Variants in CCDC178 observed in about 807,000 individuals in gnomAD.
The protein encoded by CCDC178 is coiled-coil domain-containing protein 178.
In CCDC178, 126 loss-of-function variants were observed where a neutral mutation model predicts 117.4. That is an observed-to-expected ratio of 1.07 (90% confidence interval 0.93 to 1.24). The LOEUF (loss-of-function observed/expected upper bound fraction) is 1.24. CCDC178 is among the 50% of genes most tolerant of loss of function. CCDC178 has a pLI of 0.00. For synonymous variants in CCDC178, 283 were observed against 313.4 expected, an observed-to-expected ratio of 0.90 and a Z score of 1.02; for missense variants, 1,030 against 986.9, an observed-to-expected ratio of 1.04 and a Z score of -0.59.
At chr18:33,227,801 A>C (rs1395668161) in intron 15 of CCDC178, among the ~76,000 whole-genome samples, 1 of 152,056 alleles carries the variant, frequency 6.6e-6, no homozygotes, top group African/African-American at 2.4e-5. Flanking sequence ...ATTCCAAAGA[A>C]GGAAACATGA....
At chr18:33,207,430 G>A (rs971590157) in intron 20 of CCDC178, among the ~76,000 whole-genome samples, 7 of 151,412 alleles carry the variant, frequency 4.6e-5, no homozygotes, top group African/African-American at 1.7e-4. Flanking sequence ...TTGATCAAGA[G>A]AAAAATCTAC....
intron 22 of CCDC178, among the ~76,000 whole-genome samples, chr18:32,971,796 C>T (rs1450713457): frequency 6.6e-6 from 1 of 151,950 alleles, no homozygotes; most frequent in Non-Finnish European, 1.5e-5. Flanking sequence ...TTTTTTAATA[C>T]GTTTGTTAAC....
chr18:32,957,508 T>C (rs2054618934), intron 22 of CCDC178, among the ~76,000 whole-genome samples: 1 of 152,108 alleles, frequency 6.6e-6, no homozygotes, highest in Non-Finnish European at 1.5e-5. Context: ...GGGCAAACGA[T>C]GAGAAATTTG....
chr18:33,059,438 T>G (rs2144955739), intron 21 of CCDC178, among the ~76,000 whole-genome samples: 4 of 152,254 alleles, frequency 2.6e-5, no homozygotes, highest in Middle Eastern at 6.8e-3. Flanking sequence ...CTAAACTATA[T>G]GACCTATCCT....
At chr18:33,306,472 G>A (rs2062252570) in intron 11 of CCDC178, among the ~76,000 whole-genome samples, 1 of 90,138 alleles carries the variant, frequency 1.1e-5, no homozygotes, top group Non-Finnish European at 2.4e-5. Context: ...ATATATATAT[G>A]GTTATATATA....
At chr18:32,940,575 C>A (rs745336351) in intron 22 of CCDC178, among the ~76,000 whole-genome samples, 11 of 151,558 alleles carry the variant, frequency 7.3e-5, no homozygotes, top group African/African-American at 2.7e-4. Context: ...TTTTGTAACT[C>A]GTTTTCTCCC....
chr18:33,359,728 T>C (rs1207722126), intron 6 of CCDC178, among the ~76,000 whole-genome samples: 1 of 151,566 alleles, frequency 6.6e-6, no homozygotes. Context: ...TCCATACAAT[T>C]CTCATTTCTG....
chr18:33,042,839 A>T (rs1006918215), intron 21 of CCDC178, among the ~76,000 whole-genome samples: 2 of 151,960 alleles, frequency 1.3e-5, no homozygotes, highest in Non-Finnish European at 2.9e-5. Context: ...TTTGAGTATT[A>T]AAAAGTGAGA....
At chr18:33,066,199 C>T (rs2057013540) in intron 21 of CCDC178, among the ~76,000 whole-genome samples, 2 of 152,088 alleles carry the variant, frequency 1.3e-5, no homozygotes, top group South Asian at 2.1e-4. Flanking sequence ...AAAATCTTTC[C>T]CAGACAAGCA....
chr18:32,962,872 A>T (rs539031826), intron 22 of CCDC178, among the ~76,000 whole-genome samples: 88 of 152,208 alleles, frequency 5.8e-4, no homozygotes, highest in African/African-American at 2.0e-3. Flanking sequence ...TATACAAAAA[A>T]TACCTAAGAA....
intron 20 of CCDC178, among the ~76,000 whole-genome samples, chr18:33,111,054 G>T (rs1050153839): frequency 2.6e-5 from 4 of 151,412 alleles, no homozygotes; most frequent in Non-Finnish European, 4.4e-5. Context: ...GAAATTATTT[G>T]ATTTTTCTCA....
intron 12 of CCDC178, among the ~76,000 whole-genome samples, chr18:33,269,844 A>G (rs1044396573): frequency 6.6e-6 from 1 of 151,840 alleles, no homozygotes; most frequent in African/African-American, 2.4e-5. Context: ...AAAATGAGAC[A>G]TTCAAAGAAT....
At chr18:33,379,284 G>T (rs912854111) in intron 5 of CCDC178, among the ~76,000 whole-genome samples, 3 of 150,334 alleles carry the variant, frequency 2.0e-5, no homozygotes, top group African/African-American at 7.4e-5. Flanking sequence ...GGTGTGTAGG[G>T]TCTTTTGGTT....
At chr18:33,012,209 A>T (rs2055885179) in intron 21 of CCDC178, among the ~76,000 whole-genome samples, 1 of 152,210 alleles carries the variant, frequency 6.6e-6, no homozygotes. Context: ...TCTGCAAAAC[A>T]TTATATTATT....
intron 22 of CCDC178, among the ~76,000 whole-genome samples, chr18:32,944,036 T>C (rs2054295146): frequency 6.6e-6 from 1 of 152,194 alleles, no homozygotes; most frequent in African/African-American, 2.4e-5. Flanking sequence ...CAGTGGAAGA[T>C]ATTGTGGCTT....
intron 16 of CCDC178, among the ~76,000 whole-genome samples, chr18:33,225,268 T>C (rs2059288965): frequency 6.6e-6 from 1 of 152,004 alleles, no homozygotes; most frequent in Non-Finnish European, 1.5e-5. Context: ...GTATAAGCGA[T>C]TCTTCTGCCT....
At chr18:33,403,350 T>C (rs1024352835) in intron 3 of CCDC178, among the ~76,000 whole-genome samples, 1 of 152,132 alleles carries the variant, frequency 6.6e-6, no homozygotes, top group African/African-American at 2.4e-5. Context: ...AGAGAACTAA[T>C]TTAGAAAAGT....
At chr18:33,249,482 C>A (rs377364387) in intron 14 of CCDC178, among the ~76,000 whole-genome samples, 3 of 151,894 alleles carry the variant, frequency 2.0e-5, no homozygotes, top group East Asian at 1.9e-4. Flanking sequence ...AGCTTTCTAC[C>A]TATGGCTAGC....
intron 9 of CCDC178, among the ~76,000 whole-genome samples, chr18:33,338,663 G>A (rs565609562): frequency 2.0e-5 from 3 of 152,008 alleles, no homozygotes; most frequent in South Asian, 2.1e-4. Context: ...ACCAAATATC[G>A]TATGTTCTCA....
Sources: gnomAD v4.1 joint callset for allele counts (sites outside exome capture counted in the v4.1 genomes callset) on GRCh38, gnomAD v4.1.1 for gene constraint, MANE v1.5 for transcripts, NCBI Gene and HGNC (gene_info 2026-07-23, HGNC 2026-07-21) for gene names.